The following F13A1 variants were observed in gnomAD, a reference collection of about 807,000 sequenced individuals.
The protein encoded by F13A1 is FSF, A subunit.
A neutral mutation model predicts 80.1 loss-of-function variants in F13A1; 47 were observed. The observed-to-expected ratio is 0.59, with a 90% CI of 0.46 to 0.75. The LOEUF is 0.75. Among genes scored for constraint, F13A1 ranks in the 30% least tolerant of loss-of-function variants. F13A1 has a pLI of 0.00. For synonymous variants in F13A1, 349 were observed against 344.9 expected (o/e 1.01, Z -0.13); for missense variants, 817 against 930.4 (o/e 0.88, Z 1.59).
chr6:6,295,445 T>C (rs1462637480), intron 3 of F13A1, among the ~76,000 whole-genome samples: 1 of 148,358 alleles, frequency 6.7e-6, no homozygotes, highest in Non-Finnish European at 1.5e-5. Context: ...TTCTAACTGG[T>C]GTGAGATGGC....
At chr6:6,280,836 A>G (rs1249527838) in intron 3 of F13A1, among the ~76,000 whole-genome samples, 2 of 152,198 alleles carry the variant, frequency 1.3e-5, no homozygotes, top group Admixed American at 1.3e-4. Flanking sequence ...TTGAAGGGGT[A>G]CAATATTGCC....
intron 8 of F13A1, among the ~76,000 whole-genome samples, chr6:6,210,237 A>G (rs1472009898): frequency 6.7e-6 from 1 of 148,840 alleles, no homozygotes; most frequent in Non-Finnish European, 1.5e-5. Context: ...AAATAATAAT[A>G]ATAATACATA....
intron 6 of F13A1, among the ~76,000 whole-genome samples, chr6:6,247,372 T>G (rs149735494): frequency 6.6e-6 from 1 of 152,334 alleles, no homozygotes; most frequent in East Asian, 1.9e-4. Flanking sequence ...GTATTTCTTT[T>G]TTTCAGTCTT....
At chr6:6,239,688 A>G (rs1307674362) in intron 6 of F13A1, among the ~76,000 whole-genome samples, 1 of 149,098 alleles carries the variant, frequency 6.7e-6, no homozygotes, top group Non-Finnish European at 1.5e-5. Context: ...ATTGACAATA[A>G]TGAGAGAAAT....
chr6:6,214,378 C>A (rs1031992728), intron 8 of F13A1, among the ~76,000 whole-genome samples: 24 of 149,576 alleles, frequency 1.6e-4, no homozygotes, highest in Admixed American at 8.0e-4. Context: ...AAGAATCTCA[C>A]TCAAAACCGC....
intron 1 of F13A1, among the ~76,000 whole-genome samples, chr6:6,320,344 G>T (rs1291862151): frequency 6.6e-6 from 1 of 152,198 alleles, no homozygotes; most frequent in East Asian, 1.9e-4. Flanking sequence ...CCATTTGGTG[G>T]CATTCTAAGC....
intron 10 of F13A1, among the ~76,000 whole-genome samples, chr6:6,186,054 C>T (rs1244725856): frequency 1.3e-5 from 2 of 151,318 alleles, no homozygotes; most frequent in Non-Finnish European, 2.9e-5. Flanking sequence ...CCTTCACCCA[C>T]TTTTTGATGG....
chr6:6,218,673 C>T (rs1004797118), intron 8 of F13A1, among the ~76,000 whole-genome samples: 3 of 152,286 alleles, frequency 2.0e-5, no homozygotes, highest in Middle Eastern at 6.8e-3. Flanking sequence ...CCGCTCTGTG[C>T]AAAACTGTAG....
intron 4 of F13A1, among the ~76,000 whole-genome samples, chr6:6,251,595 C>T (rs1236227801): frequency 6.6e-6 from 1 of 152,158 alleles, no homozygotes; most frequent in Non-Finnish European, 1.5e-5. Flanking sequence ...TATTCCCAGG[C>T]CTGGTGGGAG....
chr6:6,296,071 T>C (rs1391025222), intron 3 of F13A1, among the ~76,000 whole-genome samples: 255 of 148,022 alleles, frequency 1.7e-3, no homozygotes, highest in Non-Finnish European at 3.3e-3. Context: ...TGTGGCATTA[T>C]TTCTGAGGGC....
At chr6:6,233,240 CCTCA>C (rs1320767492) in intron 6 of F13A1, among the ~76,000 whole-genome samples, 4 of 151,832 alleles carry the variant, frequency 2.6e-5, no homozygotes, top group African/African-American at 4.8e-5. Context: ...ATCCAAATAA[CCTCA>C]CTAAGAAATG....
chr6:6,242,415 T>C (rs1251966483), intron 6 of F13A1, among the ~76,000 whole-genome samples: 3 of 152,190 alleles, frequency 2.0e-5, no homozygotes, highest in Admixed American at 6.5e-5. Context: ...GGTTCGATAT[T>C]AGCAAAAGGC....
intron 13 of F13A1, 133 bp downstream of exon 13, chr6:6,167,325 A>AT (rs57207647): frequency 3.4e-4 from 266 of 786,030 alleles, no homozygotes; most frequent in Admixed American, 3.2e-3. Flanking sequence ...TAGCACTGGT[A>AT]TTTTTTTTTT....
intron 13 of F13A1, among the ~76,000 whole-genome samples, chr6:6,165,015 T>C (rs924232361): frequency 6.6e-6 from 1 of 152,162 alleles, no homozygotes; most frequent in African/African-American, 2.4e-5. Context: ...TCTACTCCAT[T>C]TGGATTTAGG....
At chr6:6,156,644 C>A (rs575667588) in intron 13 of F13A1, among the ~76,000 whole-genome samples, 1 of 152,204 alleles carries the variant, frequency 6.6e-6, no homozygotes, top group Non-Finnish European at 1.5e-5. Flanking sequence ...ACAGGCACTG[C>A]CCCTGCTTTT....
At chr6:6,275,964 C>T (rs1757982765) in intron 3 of F13A1, among the ~76,000 whole-genome samples, 1 of 152,184 alleles carries the variant, frequency 6.6e-6, no homozygotes, top group African/African-American at 2.4e-5. Flanking sequence ...AAGTTGGTTA[C>T]AGAGCATAAC....
At chr6:6,180,044 C>T (rs1314025954) in intron 11 of F13A1, among the ~76,000 whole-genome samples, 6 of 152,164 alleles carry the variant, frequency 3.9e-5, no homozygotes, top group Non-Finnish European at 5.9e-5. Flanking sequence ...TTCCAAGAGA[C>T]ATCTGTCATG....
chr6:6,145,578 A>G lies in F13A1; in HGVS notation c.*41T>C. 3 of 1,614,028 alleles carry G rather than the reference A, an allele frequency of 1.9e-6. No homozygotes were observed. The highest frequency in any genetic ancestry group is 2.5e-6 in the Non-Finnish European group (3 of 1,179,906). The stretch of plus-strand genomic sequence containing the variant: ...TTAGAATTTCCTTAGCCAAGACTAC[A>G]AGAGGCCAAATGCCAGGGTTCATCT... On this transcript the variant is annotated 3_prime_UTR_variant, in exon 15 of 15. Coordinates refer to ENST00000264870, the MANE Select transcript of F13A1 (RefSeq NM_000129.4).
chr6:6,150,376 C>A (rs905679448), intron 14 of F13A1, among the ~76,000 whole-genome samples: 9 of 152,138 alleles, frequency 5.9e-5, no homozygotes, highest in Non-Finnish European at 1.2e-4. Context: ...TTTCCTGTAA[C>A]TTTCCTGTTA....
Sources: allele counts gnomAD v4.1 joint callset (sites outside exome capture counted in the v4.1 genomes callset), GRCh38; gene constraint gnomAD v4.1.1; transcripts MANE v1.5; gene names NCBI Gene and HGNC (gene_info 2026-07-23, HGNC 2026-07-21).